The following NRDC variants were observed in gnomAD, a reference collection of about 807,000 sequenced individuals.
NRDC encodes the protein nardilysin convertase, also known as nardilysin.
A neutral mutation model predicts 147.1 loss-of-function variants in NRDC; 54 were observed. The observed-to-expected ratio is 0.37, with a 90% CI of 0.29 to 0.46. NRDC has a LOEUF of 0.46. Among genes scored for constraint, NRDC ranks in the 20% least tolerant of loss-of-function variants. The pLI is 1.00. For missense variants in NRDC, 1,082 were observed against 1,370.6 expected (o/e 0.79, Z 3.33); for synonymous variants, 440 against 482.1 (o/e 0.91, Z 1.14).
Position 51,795,242 on chromosome 1 carries a change from G to A in NRDC, c.2605-388C>T, listed in dbSNP as rs150057252. The A allele has an allele frequency of 5.5e-6, 7 of 1,277,068 alleles. No individual in the cohort carries two copies. In the African/African-American group the frequency reaches 6.1e-5, roughly 11 times the overall value. 79.1% of individuals were successfully genotyped at this position (1,277,068 alleles called of 1,614,324 possible). ...AGCAAAGAAAATAACATTTAATACT[G>A]AGTGAATACATCCTCTTCCCTTCTT... On this transcript the variant is annotated intron_variant, in intron 22 of 30. Transcript: ENST00000352171.
At chr1:51,843,130 T>C (rs148066172) in intron 1 of NRDC, among the ~76,000 whole-genome samples, 3 of 142,148 alleles carry the variant, frequency 2.1e-5, no homozygotes, top group Non-Finnish European at 4.6e-5. Flanking sequence ...CATGTAAGGA[T>C]ACAGAGGGAT....
chr1:51,816,914 A>T (rs1679993858), intron 10 of NRDC, among the ~76,000 whole-genome samples: 1 of 152,126 alleles, frequency 6.6e-6, no homozygotes, highest in Non-Finnish European at 1.5e-5. Context: ...CCAACTACTT[A>T]CTCACAGAGT....
intron 22 of NRDC, 125 bp from the exon 23 acceptor site, chr1:51,794,979 G>C: frequency 6.5e-7 from 1 of 1,544,836 alleles, no homozygotes; most frequent in Non-Finnish European, 8.7e-7. Flanking sequence ...AGATATAGTT[G>C]GTGACCTAAA....
Position 51,790,993 on chromosome 1 carries a change from G to GAAACAAAACATCTTCAATCAGAACTA in NRDC, c.2961-29_2961-4dup, listed in dbSNP as rs559394291. ...TCTTCTTATCAACAACTTCAGAACT[G>GAAACAAAACATCTTCAATCAGAACTA]AAACAAAACATCTTCAATCAGAACT... is the stretch of plus-strand genomic sequence containing the variant. On this transcript the variant is annotated splice_polypyrimidine_tract_variant and splice_region_variant and intron_variant, in intron 27 of 30. Transcript: ENST00000352171. The GAAACAAAACATCTTCAATCAGAACTA allele has an allele frequency of 2.8e-4, 441 of 1,597,456 alleles. 4 individuals are homozygous for GAAACAAAACATCTTCAATCAGAACTA. The East Asian group carries it at 8.7e-3, about 32-fold the overall frequency.
intron 20 of NRDC, 78 bp from the exon 21 acceptor site, chr1:51,800,761 T>A (rs1260174400): frequency 2.1e-6 from 3 of 1,453,896 alleles, no homozygotes; most frequent in Non-Finnish European, 2.8e-6. Flanking sequence ...TTCTCTTTGG[T>A]TTTTACCAGG....
chr1:51,841,459 C>G (rs1681262907), intron 1 of NRDC, among the ~76,000 whole-genome samples: 1 of 152,126 alleles, frequency 6.6e-6, no homozygotes, highest in Middle Eastern at 3.2e-3. Flanking sequence ...AGGCACAGGC[C>G]ACCATACCTG....
rs1681464344 is a variant in NRDC, at chr1:51,844,822, GA to G, written c.342-4309del. ...AGGGGGGAGGGAGGGAGGAAAGAAG[GA>G]AGGAAGGAAGGAAGGAAGGAAGGAA... On this transcript the variant is annotated intron_variant, in intron 1 of 30. Coordinates refer to ENST00000352171, the MANE Select transcript of NRDC (RefSeq NM_001101662.2). 5.3e-3 allele frequency among the ~76,000 whole-genome samples: 5 copies of G among 946 alleles called. No individual in the cohort carries two copies. The South Asian group carries it at 0.18, about 34-fold the overall frequency. 0.6% of individuals were successfully genotyped at this position (946 alleles called of 152,430 possible).
At chr1:51,823,640 C>T (rs371631352) in intron 7 of NRDC, 24 bp downstream of exon 7, 6 of 1,595,466 alleles carry the variant, frequency 3.8e-6, no homozygotes, top group Non-Finnish European at 5.1e-6. Context: ...CAAGGTAACT[C>T]TAAGAGCCAT....
chr1:51,843,867 GAA>G (rs1402141281), intron 1 of NRDC, among the ~76,000 whole-genome samples: 8 of 139,160 alleles, frequency 5.7e-5, no homozygotes, highest in African/African-American at 2.1e-4. Flanking sequence ...CAGGTTGGGG[GAA>G]AAAAAAAAAA....
intron 5 of NRDC, among the ~76,000 whole-genome samples, chr1:51,825,870 CTA>C (rs1557914032): frequency 6.6e-6 from 1 of 152,196 alleles, no homozygotes; most frequent in Admixed American, 6.5e-5. Flanking sequence ...CCCAAAATTT[CTA>C]TGTTGAAACT....
At chr1:51,799,234 T>C (rs1679073967) in intron 21 of NRDC, 2 of 152,180 alleles carry the variant, frequency 1.3e-5, no homozygotes. Flanking sequence ...CTAGGGTACA[T>C]GTGCACAATG....
chr1:51,842,188 A>C (rs1424907230), intron 1 of NRDC, among the ~76,000 whole-genome samples: 1 of 151,912 alleles, frequency 6.6e-6, no homozygotes, highest in Admixed American at 6.6e-5. Context: ...TAATAAATAA[A>C]TAATAAAAAA....
chr1:51,865,379 A>G (rs1682755716), intron 1 of NRDC, among the ~76,000 whole-genome samples: 1 of 151,218 alleles, frequency 6.6e-6, no homozygotes, highest in Non-Finnish European at 1.5e-5. Context: ...ATCATGGCTC[A>G]TGCAACCTCC....
intron 1 of NRDC, 142 bp from the exon 2 acceptor site, chr1:51,840,656 A>C: frequency 3.2e-6 from 2 of 631,468 alleles, no homozygotes; most frequent in Non-Finnish European, 5.3e-6. Context: ...TAAACTAATA[A>C]AATTGGTTGC....
In NRDC at chr1:51,878,059, C is replaced by T. The variant is rs951771916; in HGVS notation, c.341+216G>A. 1.6e-5 allele frequency: 22 copies of T among 1,403,856 alleles called. 1 individual carries two copies. In the African/African-American group the frequency reaches 2.7e-4, roughly 18 times the overall value. 87.0% of individuals were successfully genotyped at this position (1,403,856 alleles called of 1,614,324 possible). A position where few individuals can be genotyped will look rare whatever the true frequency, so the allele number is the denominator to read the frequency against. On this transcript the variant is annotated intron_variant, in intron 1 of 30. Coordinates refer to ENST00000352171, the MANE Select transcript of NRDC (RefSeq NM_001101662.2). ...ATTCAAATGACTCGAAAAGCTTCTC[C>T]CATTCTGACGTCTTACAACCCAAGA...
chr1:51,852,267 C>G (rs565809213), intron 1 of NRDC, among the ~76,000 whole-genome samples: 2 of 146,618 alleles, frequency 1.4e-5, no homozygotes, highest in African/African-American at 5.5e-5. Context: ...TTCTTAGTTT[C>G]ATGGGGGAGA....
At chr1:51,844,382 T>C (rs191917401) in intron 1 of NRDC, among the ~76,000 whole-genome samples, 1 of 151,686 alleles carries the variant, frequency 6.6e-6, no homozygotes, top group Admixed American at 6.6e-5. Context: ...CCTTATAAAA[T>C]GAAGAAATTT....
chr1:51,858,546 T>A (rs1293509298), intron 1 of NRDC, among the ~76,000 whole-genome samples: 1 of 152,068 alleles, frequency 6.6e-6, no homozygotes, highest in South Asian at 2.1e-4. Flanking sequence ...TGCTAAACTT[T>A]TGGCATAAAC....
Position 51,840,282 on chromosome 1 carries a change from C to T in NRDC, c.574G>A (p.Glu192Lys). The T allele has an allele frequency of 3.1e-6, 5 of 1,606,364 alleles. No homozygotes were observed. Among genetic ancestry groups the T allele is most frequent in the Admixed American group, 1.7e-5 (1 of 59,796 alleles). ...GCTCTCTCTTCTAATTCTTCCAATT[C>T]ATTATCCTCAGTATCAAGATCATCA... ...HDDDLDTEDN[E>K]LEELEERAEA... Residue 192 changes from glutamate (E) to lysine (K), a missense_variant, in exon 2 of 31, where the codon GAA becomes AAA. By Grantham distance (56) the Glu-to-Lys change is moderately conservative. Transcript: ENST00000352171.
Sources: allele counts gnomAD v4.1 joint callset (sites outside exome capture counted in the v4.1 genomes callset), GRCh38; gene constraint gnomAD v4.1.1; transcripts MANE v1.5; gene names NCBI Gene and HGNC (gene_info 2026-07-23, HGNC 2026-07-21).